CTNNA3: variants seen among roughly 807,000 people sequenced by gnomAD.
CTNNA3 encodes the protein catenin alpha 3.
CTNNA3 carries 76 observed loss-of-function variants against 95.7 expected under a neutral mutation model. The ratio of observed to expected loss-of-function variants is 0.79; its 90% CI spans 0.66 to 0.96. The LOEUF is 0.96. CTNNA3 is among the 40% of genes least tolerant of loss of function. CTNNA3 has a pLI of 0.00. For synonymous variants in CTNNA3, 431 were observed against 374.4 expected (o/e 1.15, Z -1.74); for missense variants, 1,191 against 1,089.8 (o/e 1.09, Z -1.31).
At chr10:66,246,365 G>T (rs1030718095) in intron 13 of CTNNA3, among the ~76,000 whole-genome samples, 5 of 152,052 alleles carry the variant, frequency 3.3e-5, no homozygotes, top group Non-Finnish European at 5.9e-5. Flanking sequence ...CTGGAGGTTG[G>T]AGTCTGCAGC....
chr10:66,606,474 T>C (rs1037142769), intron 10 of CTNNA3, among the ~76,000 whole-genome samples: 1 of 152,112 alleles, frequency 6.6e-6, no homozygotes, highest in Non-Finnish European at 1.5e-5. Context: ...ATTCTTCTCA[T>C]CACCACATGG....
chr10:67,044,486 T>C (rs758909488), intron 7 of CTNNA3, among the ~76,000 whole-genome samples: 29 of 152,160 alleles, frequency 1.9e-4, no homozygotes, highest in South Asian at 8.3e-4. Context: ...AATGCAATGT[T>C]AGAAAGATCA....
chr10:66,771,642 C>G (rs184863544), intron 8 of CTNNA3, among the ~76,000 whole-genome samples: 133 of 152,166 alleles, frequency 8.7e-4, no homozygotes, highest in Admixed American at 1.4e-3. Flanking sequence ...TATCACGTAG[C>G]TGGGTGATGT....
intron 7 of CTNNA3, among the ~76,000 whole-genome samples, chr10:67,147,061 C>T (rs1860883320): frequency 6.6e-6 from 1 of 152,150 alleles, no homozygotes; most frequent in Non-Finnish European, 1.5e-5. Flanking sequence ...CCAAAGGACA[C>T]TTTTCTCAAA....
chr10:67,049,469 T>C lies in CTNNA3; in HGVS notation c.1047+130848A>G, dbSNP rs536009342. Among the ~76,000 whole-genome samples the C allele has an allele frequency of 2.3e-3, 356 of 152,294 alleles. 1 individual carries two copies. The highest frequency in any genetic ancestry group is 8.0e-3 in the African/African-American group (333 of 41,578). On this transcript the variant is annotated intron_variant, in intron 7 of 17. Transcript: ENST00000433211. ...TATAATCTAAATATATCCTTGACTCTAAGAATATACATATTTCCTACTACA... is the reference window on the plus strand; with the variant it reads ...TATAATCTAAATATATCCTTGACTCCAAGAATATACATATTTCCTACTACA...
chr10:67,654,411 T>G (rs556549449), intron 1 of CTNNA3, among the ~76,000 whole-genome samples: 3 of 152,250 alleles, frequency 2.0e-5, no homozygotes, highest in African/African-American at 7.2e-5. Flanking sequence ...GTGGTCAGAT[T>G]TGCTTCTTTC....
intron 5 of CTNNA3, among the ~76,000 whole-genome samples, chr10:67,247,361 C>T (rs1393938702): frequency 6.6e-6 from 1 of 152,114 alleles, no homozygotes; most frequent in Non-Finnish European, 1.5e-5. Flanking sequence ...TAGACACTTG[C>T]TGTGAAAAAT....
chr10:67,610,069 A>G (rs1843409079), intron 2 of CTNNA3, among the ~76,000 whole-genome samples: 1 of 152,332 alleles, frequency 6.6e-6, no homozygotes, highest in Middle Eastern at 3.4e-3. Context: ...CCAGTTTAAA[A>G]TCTTTGTTTA....
intron 5 of CTNNA3, among the ~76,000 whole-genome samples, chr10:67,468,079 T>C (rs921798909): frequency 6.6e-6 from 1 of 152,054 alleles, no homozygotes; most frequent in East Asian, 1.9e-4. Flanking sequence ...TATTAATACA[T>C]TGGTAAACTT....
chr10:67,141,334 A>ATT (rs1860554259), intron 7 of CTNNA3, among the ~76,000 whole-genome samples: 1 of 152,114 alleles, frequency 6.6e-6, no homozygotes, highest in Non-Finnish European at 1.5e-5. Flanking sequence ...GCTATATAAC[A>ATT]ACAAAATATC....
intron 1 of CTNNA3, among the ~76,000 whole-genome samples, chr10:67,741,010 G>A (rs1841334266): frequency 6.6e-6 from 1 of 151,114 alleles, no homozygotes; most frequent in Non-Finnish European, 1.5e-5. Flanking sequence ...TCCTTTGTAG[G>A]GACATGGATG....
At chr10:66,619,761 T>C (rs1844677274) in intron 10 of CTNNA3, among the ~76,000 whole-genome samples, 1 of 151,732 alleles carries the variant, frequency 6.6e-6, no homozygotes, top group African/African-American at 2.4e-5. Flanking sequence ...AAGCTGTCCA[T>C]ATGGCCATAT....
chr10:66,207,839 A>G (rs2087861742), intron 13 of CTNNA3, among the ~76,000 whole-genome samples: 1 of 152,018 alleles, frequency 6.6e-6, no homozygotes, highest in Admixed American at 6.6e-5. Context: ...TGCAATGCCA[A>G]AACCACTGCT....
chr10:66,551,426 T>G (rs1589412547), intron 10 of CTNNA3, among the ~76,000 whole-genome samples: 1 of 152,184 alleles, frequency 6.6e-6, no homozygotes, highest in Non-Finnish European at 1.5e-5. Flanking sequence ...TAGGGGTTTA[T>G]GATGTGTCTA....
intron 7 of CTNNA3, among the ~76,000 whole-genome samples, chr10:66,833,606 C>T (rs1349756853): frequency 6.6e-6 from 1 of 152,150 alleles, no homozygotes; most frequent in Admixed American, 6.6e-5. Flanking sequence ...CATCAACAAG[C>T]TAATACGTAT....
At chr10:66,795,566 T>C (rs1345904850) in intron 7 of CTNNA3, among the ~76,000 whole-genome samples, 2 of 152,138 alleles carry the variant, frequency 1.3e-5, no homozygotes, top group East Asian at 1.9e-4. Flanking sequence ...ATTTTTGGAA[T>C]GGTAAACGAG....
chr10:67,077,220 T>A (rs150694024), intron 7 of CTNNA3, among the ~76,000 whole-genome samples: 24 of 152,210 alleles, frequency 1.6e-4, no homozygotes, highest in Non-Finnish European at 2.5e-4. Flanking sequence ...TTGCACATGT[T>A]CGCTCTGGAC....
intron 13 of CTNNA3, among the ~76,000 whole-genome samples, chr10:66,163,210 C>T (rs996676227): frequency 6.6e-6 from 1 of 152,102 alleles, no homozygotes; most frequent in African/African-American, 2.4e-5. Flanking sequence ...CACCCTCTCC[C>T]CATTTCTGGC....
At chr10:66,139,281 T>C (rs996222829) in intron 13 of CTNNA3, among the ~76,000 whole-genome samples, 1 of 152,184 alleles carries the variant, frequency 6.6e-6, no homozygotes, top group African/African-American at 2.4e-5. Flanking sequence ...CACAATATGT[T>C]CTTCCCACCC....
Sources: allele counts gnomAD v4.1 joint callset (sites outside exome capture counted in the v4.1 genomes callset), GRCh38; gene constraint gnomAD v4.1.1; transcripts MANE v1.5; gene names NCBI Gene and HGNC (gene_info 2026-07-23, HGNC 2026-07-21).